The following FIGNL1 variants were observed in gnomAD, a reference collection of about 807,000 sequenced individuals.
FIGNL1 encodes the protein fidgetin like 1.
A neutral mutation model predicts 28.9 loss-of-function variants in FIGNL1; 11 were observed. The ratio of observed to expected loss-of-function variants is 0.38; its 90% CI spans 0.24 to 0.63. The LOEUF is 0.63. Among genes scored for constraint, FIGNL1 ranks in the 20% least tolerant of loss-of-function variants. The probability of loss-of-function intolerance (pLI) is 0.57; values close to 1 mark genes in which losing one functional copy is unlikely to be tolerated. For missense variants in FIGNL1, 789 were observed against 810.4 expected, an observed-to-expected ratio of 0.97 and a Z score of 0.32; for synonymous variants, 295 against 276.5, an observed-to-expected ratio of 1.07 and a Z score of -0.66.
rs1820407799 is a variant in FIGNL1 at position 50,445,180 on chromosome 7, T to G, written c.*83A>C. The G allele has an allele frequency of 1.3e-6, 1 of 780,862 alleles. No individual in the cohort carries two copies. The highest frequency in any genetic ancestry group is 3.3e-5 in the Admixed American group (1 of 30,072). 48.4% of individuals were successfully genotyped at this position (780,862 alleles called of 1,614,324 possible). A position where few individuals can be genotyped will look rare whatever the true frequency, so the allele number is the denominator to read the frequency against. The stretch of plus-strand genomic sequence containing the variant: ...AGAACTTAGAATATATTCTTAAAAA[T>G]ACAATTAACACATCCCCAACTTTCT... On this transcript the variant is annotated 3_prime_UTR_variant, in exon 4 of 4. Transcript: ENST00000433017.
Position 50,446,571 on chromosome 7 carries a change from A to G in FIGNL1, c.717T>C (p.Asn239=), listed in dbSNP as rs1198041559. 3 of 1,614,138 alleles carry G rather than the reference A, an allele frequency of 1.9e-6. No homozygotes were observed. Among genetic ancestry groups the G allele is most frequent in the Non-Finnish European group, 2.5e-6 (3 of 1,180,032 alleles). ...HSSAKENIGL[N]VFLSNQSCFP... is the part of the protein sequence containing the mutation. ...AACAAGACTGGTTAGATAAGAACAC[A>G]TTAAGTCCTATGTTTTCTTTTGCAG... Residue 239 remains asparagine, a synonymous_variant, in exon 4 of 4, where the codon AAT becomes AAC. Coordinates refer to ENST00000433017, the MANE Select transcript of FIGNL1 (RefSeq NM_001287492.4).
At position 50,446,426 on chromosome 7, in the gene FIGNL1, C is replaced by T; in HGVS notation, c.862G>A (p.Glu288Lys). ...CSKTEDNGPK[E>K]DSSLPTFKTA... ...TTAAATGTAGGCAGGCTGCTATCCTCCTTTGGGCCATTATCTTCTGTTTTA... is the reference window on the plus strand; with the variant it reads ...TTAAATGTAGGCAGGCTGCTATCCTTCTTTGGGCCATTATCTTCTGTTTTA... Residue 288 changes from glutamate (E) to lysine (K), a missense_variant, in exon 4 of 4, where the codon GAG becomes AAG. Coordinates refer to ENST00000433017, the MANE Select transcript of FIGNL1 (RefSeq NM_001287492.4). 1 of 1,614,174 alleles carries T rather than the reference C, an allele frequency of 6.2e-7. No individual in the cohort carries two copies. The highest frequency in any genetic ancestry group is 1.1e-5 in the South Asian group (1 of 91,082).
At chr7:50,448,842 C>G (rs1165652352) in intron 2 of FIGNL1, 1 of 152,130 alleles carries the variant, frequency 6.6e-6, no homozygotes, top group Non-Finnish European at 1.5e-5. Flanking sequence ...ACTTAAGATC[C>G]AGAGCTTTAA....
intron 2 of FIGNL1, chr7:50,448,539 T>C (rs1426977496): frequency 2.0e-5 from 3 of 152,256 alleles, no homozygotes; most frequent in East Asian, 1.9e-4. Flanking sequence ...CTTCCTCACA[T>C]TGTTACCTTT....
Position 50,447,148 on chromosome 7 carries a change from T to C in FIGNL1, c.140A>G (p.Asn47Ser), listed in dbSNP as rs201973013. 280 of 1,614,034 alleles carry C rather than the reference T, an allele frequency of 1.7e-4. 1 individual carries two copies. The highest frequency in any genetic ancestry group is 2.9e-5 in the Non-Finnish European group (34 of 1,180,038). Residue 47 changes from asparagine to serine, a missense_variant, in exon 4 of 4, where the codon AAC (asparagine) becomes AGC (serine). Asn to Ser is a conservative substitution (Grantham distance 46). Transcript: ENST00000433017. The stretch of plus-strand genomic sequence containing the variant: ...AGCACAGACCTGGGAAATCTCAGAG[T>C]TTGCCCATGCATACTGAATGCGTAA... ...QILRIQYAWA[N>S]SEISQVCATK...
intron 2 of FIGNL1, chr7:50,448,536 A>G (rs534577599): frequency 6.5e-4 from 99 of 152,372 alleles, no homozygotes; most frequent in African/African-American, 2.3e-3. Flanking sequence ...AAGCTTCCTC[A>G]CATTGTTACC....
At position 50,444,872 on chromosome 7, in the gene FIGNL1, T is replaced by C. The variant is rs920558535; in HGVS notation, c.*391A>G. 3 of 154,342 alleles carry C rather than the reference T, an allele frequency of 1.9e-5. No individual in the cohort carries two copies. Among genetic ancestry groups the C allele is most frequent in the African/African-American group, 7.2e-5 (3 of 41,540 alleles). 9.6% of individuals were successfully genotyped at this position (154,342 alleles called of 1,614,324 possible). ...CAATACTTTGTCCAAATGTAAACCA[T>C]TATACTAGCTGACATTAAGAATTAT... On this transcript the variant is annotated 3_prime_UTR_variant, in exon 4 of 4. Transcript: ENST00000433017.
In FIGNL1 at chr7:50,447,179, G is replaced by A; in HGVS notation, c.109C>T (p.Gln37Ter). The change falls in exon 4 of 4, where the codon CAG becomes TAG. Residue 37 changes from glutamine (Q) to a stop codon, truncating the protein, a stop_gained. Transcript: ENST00000433017. LOFTEE classifies it low-confidence loss of function (END_TRUNC). Reference protein sequence around the residue: ...TGPKADAYRAQILRIQYAWAN... With the variant: ...TGPKADAYRA ...CATGCATACTGAATGCGTAATATCT[G>A]TGCACGGTATGCATCTGCCTTCGGT... 1 of 1,614,178 alleles carries A rather than the reference G, an allele frequency of 6.2e-7. No homozygotes were observed. Among genetic ancestry groups the A allele is most frequent in the Non-Finnish European group, 8.5e-7 (1 of 1,180,032 alleles).
rs1346090925 is a variant in FIGNL1, at chr7:50,447,151, G to A, written c.137C>T (p.Ala46Val). 4 of 1,614,208 alleles carry A rather than the reference G, an allele frequency of 2.5e-6. No homozygotes were observed. In the South Asian group the frequency reaches 4.4e-5, roughly 18 times the overall value. ...ACAGACCTGGGAAATCTCAGAGTTT[G>A]CCCATGCATACTGAATGCGTAATAT... ...AQILRIQYAW[A>V]NSEISQVCAT... Residue 46 changes from alanine (A) to valine (V), a missense_variant, in exon 4 of 4, where the codon GCA (alanine) becomes GTA (valine). Transcript: ENST00000433017.
rs369555128 is a variant in FIGNL1 at position 50,446,542 on chromosome 7, G to A, written c.746C>T (p.Pro249Leu). Residue 249 changes from proline to leucine, a missense_variant, in exon 4 of 4, where the codon CCT becomes CTT. Coordinates refer to ENST00000433017, the MANE Select transcript of FIGNL1 (RefSeq NM_001287492.4). ...NVFLSNQSCFPAACENPQRKS... is the reference protein window; with the variant it reads ...NVFLSNQSCFLAACENPQRKS... ...CCTCTGTGGATTTTCACAGGCAGCA[G>A]GAAAACAAGACTGGTTAGATAAGAA... The A allele has an allele frequency of 2.9e-5, 47 of 1,613,984 alleles. No homozygotes were observed. Among genetic ancestry groups the A allele is most frequent in the Non-Finnish European group, 3.8e-5 (45 of 1,180,024 alleles).
rs1428907062 is a variant in FIGNL1, at chr7:50,445,907, T to C, written c.1381A>G (p.Thr461Ala). The part of the protein sequence containing the change: ...GKCIASQSGA[T>A]FFSISASSLT... Reference sequence around the variant, plus strand: ...GATGAAGCAGAGATGCTAAAGAATGTTGCCCCAGACTGACTAGCAATGCAC... The same window carrying C: ...GATGAAGCAGAGATGCTAAAGAATGCTGCCCCAGACTGACTAGCAATGCAC... The change falls in exon 4 of 4, where the codon ACA becomes GCA. Residue 461 changes from threonine to alanine, a missense_variant. Physicochemically the swap from Thr to Ala is moderately conservative, Grantham distance 58. Transcript: ENST00000433017. The C allele has an allele frequency of 9.3e-6, 15 of 1,614,044 alleles. No individual in the cohort carries two copies. The highest frequency in any genetic ancestry group is 1.3e-5 in the African/African-American group (1 of 74,944).
Position 50,447,157 on chromosome 7 carries a change from G to A in FIGNL1, c.131C>T (p.Ala44Val), listed in dbSNP as rs113545967. ...YRAQILRIQYAWANSEISQVC... is the reference protein window; with the variant it reads ...YRAQILRIQYVWANSEISQVC... ...CTGGGAAATCTCAGAGTTTGCCCAT[G>A]CATACTGAATGCGTAATATCTGTGC... is the stretch of plus-strand genomic sequence containing the variant. The change falls in exon 4 of 4, where the codon GCA (alanine) becomes GTA (valine). Residue 44 changes from alanine to valine, a missense_variant. Ala to Val is a moderately conservative substitution (Grantham distance 64). Coordinates refer to ENST00000433017, the MANE Select transcript of FIGNL1 (RefSeq NM_001287492.4). The A allele has an allele frequency of 1.9e-6, 3 of 1,614,240 alleles. No individual in the cohort carries two copies. Among genetic ancestry groups the A allele is most frequent in the African/African-American group, 2.7e-5 (2 of 75,066 alleles).
At position 50,445,450 on chromosome 7, in the gene FIGNL1, C is replaced by T. The variant is rs1820499983; in HGVS notation, c.1838G>A (p.Arg613Lys). The T allele has an allele frequency of 1.2e-6, 2 of 1,614,052 alleles. No homozygotes were observed. The highest frequency in any genetic ancestry group is 1.7e-5 in the Admixed American group (1 of 60,006). The change falls in exon 4 of 4, where the codon AGG becomes AAG. Residue 613 changes from arginine (R) to lysine (K), a missense_variant. Transcript: ENST00000433017. The part of the protein sequence containing the change: ...FSGADMTQLC[R>K]EASLGPIRSL... ...GCGAATAGGACCAAGAGAAGCCTCC[C>T]TGCAAAGCTGTGTCATGTCTGCTCC...
chr7:50,445,130 A>G lies in FIGNL1; in HGVS notation c.*133T>C. On this transcript the variant is annotated 3_prime_UTR_variant, in exon 4 of 4. Transcript: ENST00000433017. The stretch of plus-strand genomic sequence containing the variant: ...ACATACACTATGTCAATCAGATGTA[A>G]AATCTGTGCTATTATTTGAAGTACA... 1 of 560,922 alleles carries G rather than the reference A, an allele frequency of 1.8e-6. No individual in the cohort carries two copies. Among genetic ancestry groups the G allele is most frequent in the Admixed American group, 3.7e-5 (1 of 26,728 alleles). 34.7% of individuals were successfully genotyped at this position (560,922 alleles called of 1,614,324 possible). A position where few individuals can be genotyped will look rare whatever the true frequency, so the allele number is the denominator to read the frequency against.
chr7:50,447,386 G>A (rs888710790), intron 3 of FIGNL1, 89 bp from the exon 4 acceptor site: 1 of 914,980 alleles, frequency 1.1e-6, no homozygotes. Context: ...CTAATCTGAA[G>A]GAAGGGACAC....
rs769742037 is a variant in FIGNL1 at position 50,447,098 on chromosome 7, CT to C, written c.189del (p.Glu64ArgfsTer16). ...VCATKLFKKY[A>X]EKYSAIIDSD... ...GAATCAATAATTGCAGAATATTTCTCTGCATATTTTTTGAACAGTTTGGTAG... is the reference window on the plus strand; with the variant it reads ...GAATCAATAATTGCAGAATATTTCTCGCATATTTTTTGAACAGTTTGGTAG... On this transcript the variant is annotated frameshift_variant, in exon 4 of 4. Coordinates refer to ENST00000433017, the MANE Select transcript of FIGNL1 (RefSeq NM_001287492.4). LOFTEE classifies it low-confidence loss of function (END_TRUNC). 2.8e-5 allele frequency: 45 copies of C among 1,614,100 alleles called. No homozygotes were observed. The highest frequency in any genetic ancestry group is 3.7e-5 in the Non-Finnish European group (44 of 1,180,052).
rs141178380 is a variant in FIGNL1, at chr7:50,445,274, A to G, written c.2014T>C (p.Cys672Arg). The G allele has an allele frequency of 2.1e-5, 32 of 1,559,012 alleles. No homozygotes were observed. The highest frequency in any genetic ancestry group is 8.0e-5 in the Admixed American group (4 of 49,786). Residue 672 changes from cysteine to arginine, a missense_variant, in exon 4 of 4, where the codon TGT (cysteine) becomes CGT (arginine). Coordinates refer to ENST00000433017, the MANE Select transcript of FIGNL1 (RefSeq NM_001287492.4). ...TCCAAGTATCCCACTTACTTTCCAC[A>G]ACCAAAAGTTTTGTTCCAGTTTTCA... ...LYENWNKTFG[C>R]GK
chr7:50,445,595 T>C lies in FIGNL1; in HGVS notation c.1693A>G (p.Ile565Val). 3 of 1,614,204 alleles carry C rather than the reference T, an allele frequency of 1.9e-6. No individual in the cohort carries two copies. The highest frequency in any genetic ancestry group is 2.5e-6 in the Non-Finnish European group (3 of 1,180,036). Residue 565 changes from isoleucine (I) to valine (V), a missense_variant, in exon 4 of 4, where the codon ATT (isoleucine) becomes GTT (valine). Coordinates refer to ENST00000433017, the MANE Select transcript of FIGNL1 (RefSeq NM_001287492.4). ...CTGGCTGAAGCTTCTGGGAGGGGAATATAAAGCCTTTTCACCAATCTTCTC... is the reference window on the plus strand; with the variant it reads ...CTGGCTGAAGCTTCTGGGAGGGGAACATAAAGCCTTTTCACCAATCTTCTC... ...ARRRLVKRLY[I>V]PLPEASARKQ...
intron 1 of FIGNL1, 119 bp downstream of exon 1, chr7:50,450,182 A>G (rs116622603): frequency 0.023 from 3,545 of 153,022 alleles, 139 homozygotes; most frequent in African/African-American, 0.079. Context: ...CCGCGAAGTC[A>G]CCGCCCCGCG....
Sources: allele counts gnomAD v4.1 joint callset, GRCh38; gene constraint gnomAD v4.1.1; transcripts MANE v1.5; gene names NCBI Gene and HGNC (gene_info 2026-07-23, HGNC 2026-07-21).